SHANK2: variants seen among roughly 807,000 people sequenced by gnomAD.
The protein encoded by SHANK2 is SH3 and multiple ankyrin repeat domains protein 2.
SHANK2 carries 43 observed loss-of-function variants against 133.7 expected under a neutral mutation model. The observed-to-expected ratio is 0.32, with a 90% confidence interval of 0.25 to 0.41. The LOEUF is 0.41. SHANK2 is among the 10% of genes least tolerant of loss of function. SHANK2 has a pLI of 1.00. For synonymous variants in SHANK2, 1,017 were observed against 952.8 expected (o/e 1.07, Z -1.24); for missense variants, 1,994 against 2,235.8 (o/e 0.89, Z 2.18).
intron 14 of SHANK2, among the ~76,000 whole-genome samples, chr11:70,732,273 G>C (rs1555032444): frequency 6.6e-6 from 1 of 152,186 alleles, no homozygotes; most frequent in Non-Finnish European, 1.5e-5. Flanking sequence ...CAGCCAATCA[G>C]ACAGCAAGTG....
intron 14 of SHANK2, among the ~76,000 whole-genome samples, chr11:70,792,400 CA>C (rs1555048244): frequency 7.1e-6 from 1 of 140,678 alleles, no homozygotes. Flanking sequence ...ACCAGCCAAC[CA>C]ACCAACCAAC....
chr11:70,517,673 G>A (rs1323443309), intron 17 of SHANK2, among the ~76,000 whole-genome samples: 1 of 152,154 alleles, frequency 6.6e-6, no homozygotes, highest in Non-Finnish European at 1.5e-5. Context: ...CTATGGAGAA[G>A]GTAAAAAGAT....
chr11:70,780,448 T>A (rs1555044877), intron 14 of SHANK2, among the ~76,000 whole-genome samples: 1 of 152,058 alleles, frequency 6.6e-6, no homozygotes, highest in African/African-American at 2.4e-5. Context: ...CAAATTGGAG[T>A]CCAGAAACTC....
At chr11:70,475,532 G>A (rs1555149947) in intron 25 of SHANK2, among the ~76,000 whole-genome samples, 1 of 152,150 alleles carries the variant, frequency 6.6e-6, no homozygotes, top group African/African-American at 2.4e-5. Context: ...CAGTTACCTA[G>A]GTTCCCCTAA....
intron 3 of SHANK2, among the ~76,000 whole-genome samples, chr11:71,122,121 T>C (rs782508708): frequency 6.6e-6 from 1 of 152,182 alleles, no homozygotes; most frequent in Non-Finnish European, 1.5e-5. Context: ...AGCAATACCA[T>C]TTGACCCAGT....
At chr11:70,644,013 T>C (rs782561615) in intron 17 of SHANK2, among the ~76,000 whole-genome samples, 2 of 152,098 alleles carry the variant, frequency 1.3e-5, no homozygotes, top group Non-Finnish European at 2.9e-5. Flanking sequence ...GGTTTGTACG[T>C]GGCGGCGAGC....
In SHANK2 at chr11:70,492,479, G is replaced by T; in HGVS notation, c.2309-14C>A. On this transcript the variant is annotated splice_polypyrimidine_tract_variant and intron_variant, in intron 21 of 25. Coordinates refer to ENST00000601538, the MANE Select transcript of SHANK2 (RefSeq NM_012309.5). ...CCTCGGGTTTATCTGCAATAGAACCGTGAGGATTGGAGCAGCAACACCAGT... is the reference window on the plus strand; with the variant it reads ...CCTCGGGTTTATCTGCAATAGAACCTTGAGGATTGGAGCAGCAACACCAGT... 6.2e-7 allele frequency: 1 copy of T among 1,613,744 alleles called. No homozygotes were observed. The highest frequency in any genetic ancestry group is 8.5e-7 in the Non-Finnish European group (1 of 1,180,044).
At chr11:70,662,891 G>A (rs1555013871) in intron 15 of SHANK2, among the ~76,000 whole-genome samples, 1 of 152,096 alleles carries the variant, frequency 6.6e-6, no homozygotes, top group Non-Finnish European at 1.5e-5. Context: ...TGGCCTGCGG[G>A]GGCAGAAGGG....
chr11:70,873,513 C>A (rs1485813004), intron 11 of SHANK2, among the ~76,000 whole-genome samples: 1 of 152,204 alleles, frequency 6.6e-6, no homozygotes, highest in African/African-American at 2.4e-5. Flanking sequence ...CCCTAACCTT[C>A]TAGCAGTGGT....
intron 14 of SHANK2, among the ~76,000 whole-genome samples, chr11:70,790,717 C>T (rs1010304922): frequency 1.3e-5 from 2 of 152,194 alleles, no homozygotes; most frequent in Non-Finnish European, 1.5e-5. Flanking sequence ...TCTGTGTCTA[C>T]GTCCTACTGG....
chr11:71,142,926 A>C (rs1260254229), intron 3 of SHANK2, among the ~76,000 whole-genome samples: 2 of 152,162 alleles, frequency 1.3e-5, no homozygotes, highest in African/African-American at 4.8e-5. Context: ...CACAGACGGG[A>C]AATTGTGACT....
At chr11:70,557,377 G>T (rs2059847118) in intron 17 of SHANK2, among the ~76,000 whole-genome samples, 1 of 152,130 alleles carries the variant, frequency 6.6e-6, no homozygotes. Flanking sequence ...GGCTCTTGCT[G>T]CTAACCACCA....
chr11:71,231,141 G>A (rs1211221954), intron 1 of SHANK2, among the ~76,000 whole-genome samples: 1 of 152,112 alleles, frequency 6.6e-6, no homozygotes, highest in Non-Finnish European at 1.5e-5. Flanking sequence ...CATAGAGTGG[G>A]AGAAAAATGT....
intron 14 of SHANK2, among the ~76,000 whole-genome samples, chr11:70,730,826 CTTTTTTTT>C (rs34081906): frequency 2.4e-5 from 3 of 127,396 alleles, no homozygotes; most frequent in South Asian, 2.5e-4. Flanking sequence ...TTTTTTATTT[CTTTTTTTT>C]TTTTTTTTTT....
intron 13 of SHANK2, among the ~76,000 whole-genome samples, chr11:70,798,952 CG>C (rs1240668561): frequency 6.6e-6 from 1 of 151,974 alleles, no homozygotes; most frequent in Non-Finnish European, 1.5e-5. Flanking sequence ...AAAGTGGAGT[CG>C]GGGGGCACCG....
chr11:70,796,307 T>C (rs1947911575), intron 14 of SHANK2, among the ~76,000 whole-genome samples: 1 of 152,188 alleles, frequency 6.6e-6, no homozygotes, highest in Admixed American at 6.5e-5. Flanking sequence ...CGCTACTCTC[T>C]GGAGGATGGA....
intron 6 of SHANK2, among the ~76,000 whole-genome samples, chr11:71,102,989 C>T (rs1245944317): frequency 1.3e-5 from 2 of 152,228 alleles, no homozygotes; most frequent in Admixed American, 1.3e-4. Context: ...CACCTTCTTG[C>T]TGTGACCTCA....
At chr11:70,496,260 A>G (rs2058969310) in intron 21 of SHANK2, among the ~76,000 whole-genome samples, 1 of 152,220 alleles carries the variant, frequency 6.6e-6, no homozygotes, top group South Asian at 2.1e-4. Flanking sequence ...CAAATCTTCA[A>G]GAAGCTCCCG....
At chr11:71,221,456 G>A (rs1204307850) in intron 2 of SHANK2, among the ~76,000 whole-genome samples, 1 of 152,050 alleles carries the variant, frequency 6.6e-6, no homozygotes, top group Non-Finnish European at 1.5e-5. Context: ...TTGATCCCCT[G>A]TTTCCCCACC....
Sources: allele counts gnomAD v4.1 joint callset (sites outside exome capture counted in the v4.1 genomes callset), GRCh38; gene constraint gnomAD v4.1.1; transcripts MANE v1.5; gene names NCBI Gene and HGNC (gene_info 2026-07-23, HGNC 2026-07-21).